TLR6: variants seen among roughly 807,000 people sequenced by gnomAD.
TLR6 encodes toll-like receptor 6.
Under a neutral mutation model 16.1 loss-of-function variants are expected in TLR6, and 9 were observed. The ratio of observed to expected loss-of-function variants is 0.56; its 90% CI spans 0.34 to 0.98. The LOEUF is 0.98. Among genes scored for constraint, TLR6 ranks in the 50% least tolerant of loss-of-function variants. TLR6 has a pLI of 0.02. For synonymous variants in TLR6, 340 were observed against 338.6 expected (o/e 1.00, Z -0.04); for missense variants, 786 against 921.0 (o/e 0.85, Z 1.90).
intron 1 of TLR6, among the ~76,000 whole-genome samples, chr4:38,851,462 T>C (rs1451313176): frequency 1.3e-5 from 2 of 152,240 alleles, no homozygotes; most frequent in African/African-American, 2.4e-5. Context: ...TCTTTGCAGA[T>C]GACATGATAG....
chr4:38,846,319 C>A (rs921925831), intron 1 of TLR6, among the ~76,000 whole-genome samples: 9 of 152,006 alleles, frequency 5.9e-5, no homozygotes, highest in Non-Finnish European at 1.0e-4. Context: ...AATAAAAGAG[C>A]AGAATAGGCA....
exon 2 of TLR6, chr4:38,827,004 C>T (rs1727570134): frequency 4.3e-6 from 5 of 1,164,124 alleles, no homozygotes; most frequent in East Asian, 2.6e-5. Context: ...GAGGCACCTC[C>T]AGACAGTTAC....
intron 1 of TLR6, among the ~76,000 whole-genome samples, chr4:38,845,211 T>C (rs1444250214): frequency 6.6e-6 from 1 of 152,232 alleles, no homozygotes; most frequent in East Asian, 1.9e-4. Flanking sequence ...ATTGATCGAT[T>C]GATAGATCCA....
chr4:38,827,522 T>C lies in TLR6; in HGVS notation c.1952A>G (p.His651Arg). 2.5e-6 allele frequency: 4 copies of C among 1,614,228 alleles called. No individual in the cohort carries two copies. Among genetic ancestry groups the C allele is most frequent in the Non-Finnish European group, 2.5e-6 (3 of 1,180,038 alleles). ...TTCACTTTTCACCCAGGCAGAATCA[T>C]GTTCACTATATGAAATAAAAGCATG... Residue 651 changes from histidine (H) to arginine (R), a missense_variant, in exon 2 of 2, where the codon CAT (histidine) becomes CGT (arginine). His to Arg is a conservative substitution (Grantham distance 29, BLOSUM62 0). Transcript: ENST00000436693.
At chr4:38,825,287 G>C (rs1727493188) in exon 2 of TLR6, 1 of 152,122 alleles carries the variant, frequency 6.6e-6, no homozygotes, top group Non-Finnish European at 1.5e-5. Context: ...AAATGTCCAG[G>C]CCAGTCCAAT....
upstream of TLR6, among the ~76,000 whole-genome samples, chr4:38,858,085 C>T (rs1039911491): frequency 6.6e-6 from 1 of 152,152 alleles, no homozygotes; most frequent in Non-Finnish European, 1.5e-5. Context: ...CTATTCTTGT[C>T]GAGGCTGTCA....
the TLR6 span, chr4:38,868,020 C>T: frequency 2.4e-6 from 1 of 419,452 alleles, no homozygotes; most frequent in Non-Finnish European, 4.8e-6. Context: ...GGGTCTGGGG[C>T]GGCGCGGCCG....
chr4:38,839,312 A>ATTT (rs1712127851), intron 1 of TLR6, among the ~76,000 whole-genome samples: 1 of 150,168 alleles, frequency 6.7e-6, no homozygotes, highest in East Asian at 1.9e-4. Context: ...TTTTTTTTTA[A>ATTT]AAAAAATTAA....
At chr4:38,850,077 A>G (rs1392712558) in intron 1 of TLR6, among the ~76,000 whole-genome samples, 1 of 152,172 alleles carries the variant, frequency 6.6e-6, no homozygotes, top group East Asian at 1.9e-4. Flanking sequence ...TAAGAAACTC[A>G]CTCAAAACCA....
chr4:38,840,249 C>A (rs1428660550), intron 1 of TLR6, among the ~76,000 whole-genome samples: 1 of 152,130 alleles, frequency 6.6e-6, no homozygotes, highest in African/African-American at 2.4e-5. Flanking sequence ...TGATGAAATA[C>A]CAGGAGTTCT....
At chr4:38,847,033 T>C (rs1402930801) in intron 1 of TLR6, among the ~76,000 whole-genome samples, 1 of 152,194 alleles carries the variant, frequency 6.6e-6, no homozygotes, top group Non-Finnish European at 1.5e-5. Context: ...AGGATGTTTC[T>C]GAGATTGTAG....
At chr4:38,860,000 C>T (rs1276551852), upstream of TLR6, among the ~76,000 whole-genome samples, 3 of 152,114 alleles carry the variant, frequency 2.0e-5, no homozygotes, top group East Asian at 3.8e-4. Flanking sequence ...ACCCAATACA[C>T]TGTCCCAATA....
At chr4:38,848,751 C>G (rs1325007853) in intron 1 of TLR6, among the ~76,000 whole-genome samples, 2 of 152,160 alleles carry the variant, frequency 1.3e-5, no homozygotes, top group African/African-American at 4.8e-5. Flanking sequence ...AAGAAACAAA[C>G]AAAGCCTCCA....
intron 1 of TLR6, among the ~76,000 whole-genome samples, chr4:38,852,135 T>C (rs572976921): frequency 6.6e-6 from 1 of 152,158 alleles, no homozygotes; most frequent in African/African-American, 2.4e-5. Context: ...AGGGAAAGGA[T>C]TCCCTATTTA....
chr4:38,865,689 A>G, the TLR6 span, among the ~76,000 whole-genome samples: 1 of 152,234 alleles, frequency 6.6e-6, no homozygotes, highest in Non-Finnish European at 1.5e-5. Context: ...GTGCCGAGCA[A>G]TGCTCTTTAT....
At chr4:38,858,758 GGAGAGA>G (rs143473786), upstream of TLR6, among the ~76,000 whole-genome samples, 2 of 52,764 alleles carry the variant, frequency 3.8e-5, no homozygotes, top group Non-Finnish European at 4.4e-5. Context: ...AGAGAGAGAG[GGAGAGA>G]GAGAGAGAGA....
intron 1 of TLR6, among the ~76,000 whole-genome samples, chr4:38,854,945 C>T (rs1712918497): frequency 6.7e-6 from 1 of 150,270 alleles, no homozygotes; most frequent in South Asian, 2.1e-4. Flanking sequence ...CGCAGTGGCT[C>T]ACGCCTCTCA....
intron 1 of TLR6, among the ~76,000 whole-genome samples, chr4:38,838,814 C>A (rs1388426379): frequency 6.6e-6 from 1 of 150,408 alleles, no homozygotes; most frequent in East Asian, 2.0e-4. Context: ...TGATTTGACA[C>A]ACGGTATGTA....
chr4:38,856,915 C>G (rs753699415), upstream of TLR6: 2 of 152,166 alleles, frequency 1.3e-5, no homozygotes, highest in African/African-American at 4.8e-5. Context: ...ATTACTCCTA[C>G]GTATATTTTT....
Sources: gnomAD v4.1 joint callset for allele counts (sites outside exome capture counted in the v4.1 genomes callset) on GRCh38, gnomAD v4.1.1 for gene constraint, MANE v1.5 for transcripts, NCBI Gene and HGNC (gene_info 2026-07-23, HGNC 2026-07-21) for gene names.